RIMS2: variants seen among roughly 807,000 people sequenced by gnomAD.
RIMS2 encodes regulating synaptic membrane exocytosis protein 2.
RIMS2 carries 59 observed loss-of-function variants against 174.4 expected under a neutral mutation model. The ratio of observed to expected loss-of-function variants is 0.34; its 90% CI spans 0.27 to 0.42. The LOEUF (loss-of-function observed/expected upper bound fraction) is 0.42. Among genes scored for constraint, RIMS2 ranks in the 10% least tolerant of loss-of-function variants. The pLI, the probability that RIMS2 is intolerant of heterozygous loss-of-function variation, is 1.00. For missense variants in RIMS2, 1,620 were observed against 1,666.3 expected (o/e 0.97, Z 0.48); for synonymous variants, 606 against 572.5 (o/e 1.06, Z -0.84).
chr8:103,817,159 A>G (rs1691313991), intron 3 of RIMS2, among the ~76,000 whole-genome samples: 1 of 152,212 alleles, frequency 6.6e-6, no homozygotes, highest in Non-Finnish European at 1.5e-5. Flanking sequence ...TTAAAAATTA[A>G]AGCACCTCAG....
chr8:104,014,567 A>G, exon 19 of RIMS2: 1 of 1,613,136 alleles, frequency 6.2e-7, no homozygotes, highest in Non-Finnish European at 8.5e-7. Context: ...CGCAGGACGA[A>G]GGGGCCGACA....
intron 19 of RIMS2, among the ~76,000 whole-genome samples, chr8:104,237,550 A>G (rs1450316264): frequency 6.6e-6 from 1 of 152,194 alleles, no homozygotes; most frequent in East Asian, 1.9e-4. Flanking sequence ...AATAAAGTGA[A>G]TATACATGAA....
At chr8:103,831,085 A>C (rs1464424193) in intron 3 of RIMS2, among the ~76,000 whole-genome samples, 2 of 152,220 alleles carry the variant, frequency 1.3e-5, no homozygotes, top group Non-Finnish European at 2.9e-5. Context: ...CTGGGATTAC[A>C]GGCATCAGCC....
intron 15 of RIMS2, among the ~76,000 whole-genome samples, chr8:103,968,468 A>T (rs1305009291): frequency 6.7e-6 from 1 of 148,494 alleles, no homozygotes; most frequent in Non-Finnish European, 1.5e-5. Context: ...CCTTCATATC[A>T]TATGTCTTTC....
intron 6 of RIMS2, among the ~76,000 whole-genome samples, chr8:103,912,513 TA>T (rs1391240935): frequency 6.6e-6 from 1 of 152,158 alleles, no homozygotes; most frequent in African/African-American, 2.4e-5. Flanking sequence ...ATTAAAGTGA[TA>T]GTTTTTTAAT....
chr8:103,786,276 T>A (rs2098442974), intron 3 of RIMS2, among the ~76,000 whole-genome samples: 1 of 152,172 alleles, frequency 6.6e-6, no homozygotes, highest in Admixed American at 6.5e-5. Flanking sequence ...TTCCTTCAGT[T>A]CTCCTCTGAT....
intron 1 of RIMS2, among the ~76,000 whole-genome samples, chr8:103,546,403 G>A (rs1370280343): frequency 1.3e-5 from 2 of 152,104 alleles, no homozygotes; most frequent in Admixed American, 6.6e-5. Context: ...AGACCTATGA[G>A]GAGCCTTAGA....
At chr8:104,061,248 G>T (rs1461616326) in intron 19 of RIMS2, among the ~76,000 whole-genome samples, 1 of 151,964 alleles carries the variant, frequency 6.6e-6, no homozygotes, top group East Asian at 1.9e-4. Flanking sequence ...TATGAATCTG[G>T]GTGCTCCTGT....
intron 1 of RIMS2, among the ~76,000 whole-genome samples, chr8:103,624,360 C>T (rs1803311974): frequency 6.6e-6 from 1 of 152,194 alleles, no homozygotes; most frequent in African/African-American, 2.4e-5. Flanking sequence ...ATCTCATCTT[C>T]TCAGACCCTC....
intron 14 of RIMS2, among the ~76,000 whole-genome samples, chr8:103,956,980 G>A (rs1287128097): frequency 6.6e-6 from 1 of 152,072 alleles, no homozygotes; most frequent in Admixed American, 6.6e-5. Flanking sequence ...ACATTTATGT[G>A]GCCAACAAAC....
chr8:103,913,062 T>A (rs1326404556), intron 6 of RIMS2, among the ~76,000 whole-genome samples: 1 of 146,322 alleles, frequency 6.8e-6, no homozygotes, highest in Non-Finnish European at 1.5e-5. Flanking sequence ...AACCTTCGCC[T>A]CTTGGATTCA....
chr8:104,175,169 T>C (rs2098873538), intron 19 of RIMS2, among the ~76,000 whole-genome samples: 1 of 152,344 alleles, frequency 6.6e-6, no homozygotes, highest in Middle Eastern at 3.4e-3. Flanking sequence ...AGATGTGTTA[T>C]CTGCTAAAAT....
At chr8:103,667,088 CA>C (rs2096680218) in intron 1 of RIMS2, among the ~76,000 whole-genome samples, 1 of 152,100 alleles carries the variant, frequency 6.6e-6, no homozygotes, top group South Asian at 2.1e-4. Context: ...CCTCATGAAC[CA>C]AACCAGCTAA....
intron 1 of RIMS2, among the ~76,000 whole-genome samples, chr8:103,504,345 A>C (rs1822209060): frequency 6.6e-6 from 1 of 152,100 alleles, no homozygotes; most frequent in Admixed American, 6.5e-5. Flanking sequence ...TGTTTATTTA[A>C]ATTGTGGTAA....
intron 19 of RIMS2, among the ~76,000 whole-genome samples, chr8:104,125,917 G>GA (rs1161776790): frequency 1.3e-5 from 2 of 152,156 alleles, no homozygotes; most frequent in African/African-American, 2.4e-5. Context: ...GTTGATTCCT[G>GA]AAGGTCTCTT....
intron 15 of RIMS2, among the ~76,000 whole-genome samples, chr8:103,967,333 G>T (rs2092164026): frequency 6.6e-6 from 1 of 151,270 alleles, no homozygotes; most frequent in African/African-American, 2.4e-5. Context: ...TGGGATTACA[G>T]GCATGTGCCA....
At chr8:104,074,712 G>T (rs2097258947) in intron 19 of RIMS2, among the ~76,000 whole-genome samples, 1 of 151,864 alleles carries the variant, frequency 6.6e-6, no homozygotes, top group African/African-American at 2.4e-5. Context: ...AAAGGAGACT[G>T]GAACATAATA....
chr8:103,732,794 C>T (rs898696884), intron 2 of RIMS2, among the ~76,000 whole-genome samples: 4 of 152,078 alleles, frequency 2.6e-5, no homozygotes, highest in Admixed American at 2.0e-4. Flanking sequence ...TTTTAGTCAG[C>T]TTTTAGTGAA....
intron 6 of RIMS2, among the ~76,000 whole-genome samples, chr8:103,915,079 T>G (rs1162698739): frequency 2.0e-5 from 3 of 152,002 alleles, no homozygotes; most frequent in Admixed American, 2.0e-4. Context: ...CAATGAAAAT[T>G]TGGTGGTATA....
Sources: gnomAD v4.1 joint callset for allele counts (sites outside exome capture counted in the v4.1 genomes callset) on GRCh38, gnomAD v4.1.1 for gene constraint, MANE v1.5 for transcripts, NCBI Gene and HGNC (gene_info 2026-07-23, HGNC 2026-07-21) for gene names.